Variants in RIMS2 observed in about 807,000 individuals in gnomAD.
RIMS2 encodes regulating synaptic membrane exocytosis protein 2.
RIMS2 carries 59 observed loss-of-function variants against 174.4 expected under a neutral mutation model. The ratio of observed to expected loss-of-function variants is 0.34; its 90% CI spans 0.27 to 0.42. RIMS2 has a LOEUF of 0.42. Among genes scored for constraint, RIMS2 ranks in the 10% least tolerant of loss-of-function variants. RIMS2 has a pLI of 1.00. For missense variants in RIMS2, 1,620 were observed against 1,666.3 expected, an observed-to-expected ratio of 0.97 and a Z score of 0.48; for synonymous variants, 606 against 572.5, an observed-to-expected ratio of 1.06 and a Z score of -0.84.
intron 1 of RIMS2, among the ~76,000 whole-genome samples, chr8:103,665,847 C>T (rs2096661519): frequency 6.6e-6 from 1 of 152,158 alleles, no homozygotes; most frequent in Non-Finnish European, 1.5e-5. Context: ...GCATGTCTTT[C>T]ATGGCCCAAA....
intron 19 of RIMS2, among the ~76,000 whole-genome samples, chr8:104,235,786 A>T (rs910750065): frequency 2.0e-4 from 31 of 152,158 alleles, no homozygotes; most frequent in African/African-American, 6.7e-4. Context: ...TACATCTCAA[A>T]TTTTTAAAAA....
At chr8:104,184,847 T>C (rs2098959766) in intron 19 of RIMS2, among the ~76,000 whole-genome samples, 1 of 151,568 alleles carries the variant, frequency 6.6e-6, no homozygotes, top group African/African-American at 2.4e-5. Flanking sequence ...TAAAAAGTAC[T>C]GTGTTTAGGA....
chr8:103,932,384 T>G (rs1033353088), intron 12 of RIMS2, among the ~76,000 whole-genome samples: 9 of 152,218 alleles, frequency 5.9e-5, no homozygotes, highest in African/African-American at 9.6e-5. Context: ...GGCTTTGCAT[T>G]TTATTTGATA....
intron 19 of RIMS2, among the ~76,000 whole-genome samples, chr8:104,110,926 A>G (rs1431493939): frequency 1.3e-5 from 2 of 152,208 alleles, no homozygotes; most frequent in Non-Finnish European, 2.9e-5. Flanking sequence ...AGAGTCATTC[A>G]GGGAATGTGC....
chr8:103,502,340 T>A (rs1190048746), intron 1 of RIMS2, among the ~76,000 whole-genome samples: 1 of 152,190 alleles, frequency 6.6e-6, no homozygotes, highest in Non-Finnish European at 1.5e-5. Context: ...TAATGAAAAA[T>A]ACCACTTTAA....
chr8:103,978,169 G>A (rs1373473722), intron 16 of RIMS2, among the ~76,000 whole-genome samples: 1 of 152,168 alleles, frequency 6.6e-6, no homozygotes, highest in African/African-American at 2.4e-5. Context: ...AAGACCAAAT[G>A]TATTTCATAT....
chr8:103,927,501 A>G (rs2079003079), intron 10 of RIMS2, among the ~76,000 whole-genome samples: 1 of 151,458 alleles, frequency 6.6e-6, no homozygotes, highest in African/African-American at 2.4e-5. Context: ...AAAATATGAA[A>G]TTTATTGATT....
chr8:103,938,088 C>T (rs1595494378), intron 13 of RIMS2, among the ~76,000 whole-genome samples: 1 of 151,900 alleles, frequency 6.6e-6, no homozygotes, highest in South Asian at 2.1e-4. Context: ...GAAAATGGTT[C>T]GATTGTACTT....
intron 3 of RIMS2, among the ~76,000 whole-genome samples, chr8:103,830,492 C>T (rs1488981528): frequency 6.6e-6 from 1 of 152,082 alleles, no homozygotes; most frequent in Non-Finnish European, 1.5e-5. Flanking sequence ...TAATCTCAAT[C>T]AGTTTAAATT....
At chr8:103,753,396 C>CT (rs1390937412) in intron 2 of RIMS2, among the ~76,000 whole-genome samples, 4 of 152,096 alleles carry the variant, frequency 2.6e-5, no homozygotes, top group Non-Finnish European at 2.9e-5. Flanking sequence ...CTAAAATTCT[C>CT]TTTTTTGGTT....
chr8:103,573,256 G>T (rs1427667029), intron 1 of RIMS2, among the ~76,000 whole-genome samples: 1 of 151,562 alleles, frequency 6.6e-6, no homozygotes, highest in Non-Finnish European at 1.5e-5. Context: ...TAGAGATGAG[G>T]TTTCACTATG....
chr8:103,524,155 C>T (rs1832918587), intron 1 of RIMS2, among the ~76,000 whole-genome samples: 1 of 151,498 alleles, frequency 6.6e-6, no homozygotes, highest in Non-Finnish European at 1.5e-5. Context: ...CTTCATTTGC[C>T]CCAAGTGTTA....
At chr8:103,887,166 G>T (rs1435660802) in intron 4 of RIMS2, among the ~76,000 whole-genome samples, 2 of 151,634 alleles carry the variant, frequency 1.3e-5, no homozygotes, top group African/African-American at 4.8e-5. Context: ...TGATTGTAAA[G>T]TTGAATGTTT....
intron 3 of RIMS2, among the ~76,000 whole-genome samples, chr8:103,842,707 A>T (rs1169265412): frequency 6.6e-6 from 1 of 152,144 alleles, no homozygotes; most frequent in African/African-American, 2.4e-5. Flanking sequence ...ATATTGTCCT[A>T]TTTGTAATTT....
At chr8:103,692,585 A>G (rs1394379731) in intron 1 of RIMS2, among the ~76,000 whole-genome samples, 6 of 152,292 alleles carry the variant, frequency 3.9e-5, no homozygotes, top group African/African-American at 1.4e-4. Context: ...CAGAGCCTTA[A>G]AGCTTTTTAG....
At chr8:104,223,378 C>A in intron 19 of RIMS2, 1 of 1,219,956 alleles carries the variant, frequency 8.2e-7, no homozygotes, top group Non-Finnish European at 1.0e-6. Context: ...CCCTCCCGGG[C>A]GAGACCTCGG....
chr8:104,183,809 A>T (rs1345960645), intron 19 of RIMS2, among the ~76,000 whole-genome samples: 9 of 151,562 alleles, frequency 5.9e-5, no homozygotes, highest in African/African-American at 2.2e-4. Flanking sequence ...TTATTTTTAA[A>T]AGTCTCGTTA....
intron 3 of RIMS2, among the ~76,000 whole-genome samples, chr8:103,836,706 C>T (rs561102976): frequency 6.6e-6 from 1 of 152,300 alleles, no homozygotes; most frequent in Admixed American, 6.5e-5. Context: ...ATAGGACACA[C>T]TACCTTTTCT....
intron 1 of RIMS2, among the ~76,000 whole-genome samples, chr8:103,601,093 T>A (rs149565010): frequency 6.6e-6 from 1 of 152,218 alleles, no homozygotes; most frequent in Non-Finnish European, 1.5e-5. Flanking sequence ...GAGCTCCTTA[T>A]ATATTCTGGG....
Sources: allele counts gnomAD v4.1 joint callset (sites outside exome capture counted in the v4.1 genomes callset), GRCh38; gene constraint gnomAD v4.1.1; transcripts MANE v1.5; gene names NCBI Gene and HGNC (gene_info 2026-07-23, HGNC 2026-07-21).